The following PDHB variants were observed in gnomAD, a reference collection of about 807,000 sequenced individuals.
The protein encoded by PDHB is pyruvate dehydrogenase E1 component subunit beta, mitochondrial.
In PDHB, 17 loss-of-function variants were observed where a neutral mutation model predicts 42.8. The ratio of observed to expected loss-of-function variants is 0.40; its 90% CI spans 0.27 to 0.60. The LOEUF (loss-of-function observed/expected upper bound fraction) is 0.60, where lower values mean the gene tolerates loss of function less well. PDHB is among the 20% of genes least tolerant of loss of function. PDHB has a pLI of 0.46. For synonymous variants in PDHB, 154 were observed against 148.7 expected, an observed-to-expected ratio of 1.04 and a Z score of -0.26; for missense variants, 322 against 451.3, an observed-to-expected ratio of 0.71 and a Z score of 2.60.
chr3:58,432,281 A>AG (rs2062927159), intron 2 of PDHB: 1 of 416,972 alleles, frequency 2.4e-6, no homozygotes, highest in Admixed American at 3.7e-5. Context: ...TAAAAAAAGG[A>AG]AGGAGAGGAG....
rs2062904252 is a variant in PDHB, at chr3:58,429,761, C to T, written c.739G>A (p.Gly247Ser). 1 of 1,612,620 alleles carries T rather than the reference C, an allele frequency of 6.2e-7. No homozygotes were observed. Among genetic ancestry groups the T allele is most frequent in the African/African-American group, 1.3e-5 (1 of 74,992 alleles). The change falls in exon 8 of 10, where the codon GGC becomes AGC. Residue 247 changes from glycine to serine, a missense_variant. This residue lies in a region of PDHB where 208 missense variants were observed against 285.0 expected (regional missense o/e 0.73). Transcript: ENST00000302746. Reference protein sequence around the residue: ...ITVVSHSRPVGHCLEAAAVLS... With the variant: ...ITVVSHSRPVSHCLEAAAVLS... The stretch of plus-strand genomic sequence containing the variant: ...ACTGCTGCAGCTTCTAAGCAGTGGC[C>T]CACAGGTCTTGAATGGGAAACCACA...
At position 58,429,783 on chromosome 3, in the gene PDHB, C is replaced by T; in HGVS notation, c.717G>A (p.Val239=). 1 of 1,607,472 alleles carries T rather than the reference C, an allele frequency of 6.2e-7. No homozygotes were observed. The highest frequency in any genetic ancestry group is 8.5e-7 in the Non-Finnish European group (1 of 1,173,966). Residue 239 remains valine (V), a synonymous_variant, in exon 8 of 10, where the codon GTG becomes GTA. Coordinates refer to ENST00000302746, the MANE Select transcript of PDHB (RefSeq NM_000925.4). ...KIERQGTHIT[V]VSHSRPVGHC... is the part of the protein sequence containing the mutation. ...GGCCCACAGGTCTTGAATGGGAAAC[C>T]ACAGTTATATGTGTTCCTGAAAACA... is the stretch of plus-strand genomic sequence containing the variant.
intron 2 of PDHB, 78 bp from the exon 3 acceptor site, chr3:58,432,062 A>G: frequency 1.1e-6 from 1 of 950,126 alleles, no homozygotes; most frequent in Non-Finnish European, 1.7e-6. Context: ...ATATTTACCT[A>G]GGCTGCCCAC....
rs1264085827 is a variant in PDHB at position 58,431,072 on chromosome 3, TCTCA to T, written c.304-134_304-131del. On this transcript the variant is annotated intron_variant, in intron 5 of 9. Coordinates refer to ENST00000302746, the MANE Select transcript of PDHB (RefSeq NM_000925.4). The surrounding 1 kb of genome is among the most constrained non-coding windows in gnomAD (Gnocchi z 4.4). ...TTATTTTTATTTTTTATGGACAGGG[TCTCA>T]CTGTCACCCATGCTGGAGTGCAGTG... 2 of 941,184 alleles carry T rather than the reference TCTCA, an allele frequency of 2.1e-6. No individual in the cohort carries two copies. Among genetic ancestry groups the T allele is most frequent in the Non-Finnish European group, 3.3e-6 (2 of 602,130 alleles). The allele number at this position is 941,184 out of a possible 1,614,324, so 58.3% of individuals were successfully genotyped here.
intron 8 of PDHB, among the ~76,000 whole-genome samples, chr3:58,429,482 AGAGAGC>A (rs1259363291): frequency 6.6e-6 from 1 of 152,040 alleles, no homozygotes; most frequent in Non-Finnish European, 1.5e-5. Context: ...GAAGAGGTTC[AGAGAGC>A]TCCCACTGTC....
At position 58,432,047 on chromosome 3, in the gene PDHB, C is replaced by T. The variant is rs571955200; in HGVS notation, c.97-63G>A. ...TTTGGGATTCAACTAAGATTTTCTT[C>T]CTTTATATTTACCTAGGCTGCCCAC... is the stretch of plus-strand genomic sequence containing the variant. On this transcript the variant is annotated intron_variant, in intron 2 of 9. Transcript: ENST00000302746. 10 of 1,146,216 alleles carry T rather than the reference C, an allele frequency of 8.7e-6. No individual in the cohort carries two copies. In the African/African-American group the frequency reaches 1.5e-4, roughly 17 times the overall value. 71.0% of individuals were successfully genotyped at this position (1,146,216 alleles called of 1,614,324 possible). A position where few individuals can be genotyped will look rare whatever the true frequency, so the allele number is the denominator to read the frequency against.
chr3:58,433,786 C>T lies in PDHB; in HGVS notation c.24G>A (p.Val8=), dbSNP rs776938446. The T allele has an allele frequency of 7.4e-6, 12 of 1,612,050 alleles. No individual in the cohort carries two copies. Among genetic ancestry groups the T allele is most frequent in the Non-Finnish European group, 6.8e-6 (8 of 1,179,566 alleles). Residue 8 remains valine (V), a synonymous_variant, in exon 1 of 10, where the codon GTG becomes GTA. Coordinates refer to ENST00000302746, the MANE Select transcript of PDHB (RefSeq NM_000925.4). MAAVSGL[V]RRPLREVSGL... ...TGCCTACCTCCCGAAGGGGTCTCCG[C>T]ACCAAGCCAGACACCGCCGCCATCT... is the stretch of plus-strand genomic sequence containing the variant.
chr3:58,429,264 C>T (rs2062900247), intron 8 of PDHB, among the ~76,000 whole-genome samples: 1 of 152,104 alleles, frequency 6.6e-6, no homozygotes, highest in Non-Finnish European at 1.5e-5. Context: ...GCTGATGAAA[C>T]AGATTTAGAG....
chr3:58,431,213 A>ATTT lies in PDHB; in HGVS notation c.304-274_304-272dup. The ATTT allele has an allele frequency of 2.4e-6, 1 of 424,452 alleles. No homozygotes were observed. The allele number at this position is 424,452 out of a possible 1,614,324, so 26.3% of individuals were successfully genotyped here. A position where few individuals can be genotyped will look rare whatever the true frequency, so the allele number is the denominator to read the frequency against. On this transcript the variant is annotated intron_variant, in intron 5 of 9. Coordinates refer to ENST00000302746, the MANE Select transcript of PDHB (RefSeq NM_000925.4). This position sits in a 1 kb window ranked among gnomAD's most constrained non-coding sequence, Gnocchi z 4.4. Reference sequence around the variant, plus strand: ...GCACCACCACATCTACCTACTTGGTATTTTTTTTTTTTCCCAAATGATGTT... The same window carrying ATTT: ...GCACCACCACATCTACCTACTTGGTATTTTTTTTTTTTTTTCCCAAATGATGTT...
chr3:58,431,576 TAA>T lies in PDHB; in HGVS notation c.303+15_303+16del, dbSNP rs756931309. On this transcript the variant is annotated intron_variant, in intron 5 of 9. Coordinates refer to ENST00000302746, the MANE Select transcript of PDHB (RefSeq NM_000925.4). The surrounding 1 kb of genome is among the most constrained non-coding windows in gnomAD (Gnocchi z 4.4). ...AAGAAATGTCTTTGGATAAGTTTCA[TAA>T]AGAGTATTACATACCATAGCTGCAC... The T allele has an allele frequency of 7.6e-6, 12 of 1,576,964 alleles. No homozygotes were observed. The highest frequency in any genetic ancestry group is 1.3e-5 in the African/African-American group (1 of 74,174).
Position 58,433,759 on chromosome 3 carries a change from G to T in PDHB, c.42+9C>A. The T allele has an allele frequency of 6.2e-7, 1 of 1,612,296 alleles. No homozygotes were observed. The highest frequency in any genetic ancestry group is 2.2e-5 in the East Asian group (1 of 44,834). On this transcript the variant is annotated intron_variant, in intron 1 of 9. Transcript: ENST00000302746. ...CGCGTGGGAATACAGGCCGCGCGCT[G>T]CTGCCTACCTCCCGAAGGGGTCTCC...
Position 58,431,964 on chromosome 3 carries a change from T to A in PDHB, c.117A>T (p.Ile39=), listed in dbSNP as rs775351153. ...CCAGCTCCTCATCCATACCCTGATTTATAGCATCACGAACTGTCACCTGTC... is the reference window on the plus strand; with the variant it reads ...CCAGCTCCTCATCCATACCCTGATTAATAGCATCACGAACTGTCACCTGTC... The part of the protein sequence containing the change: ...AALQVTVRDA[I]NQGMDEELER... Residue 39 remains isoleucine, a synonymous_variant, in exon 3 of 10, where the codon ATA becomes ATT. Coordinates refer to ENST00000302746, the MANE Select transcript of PDHB (RefSeq NM_000925.4). The surrounding 1 kb of genome is among the most constrained non-coding windows in gnomAD (Gnocchi z 4.4). 8 of 1,613,576 alleles carry A rather than the reference T, an allele frequency of 5.0e-6. No homozygotes were observed. Among genetic ancestry groups the A allele is most frequent in the Non-Finnish European group, 5.9e-6 (7 of 1,179,448 alleles).
intron 1 of PDHB, 31 bp downstream of exon 1, chr3:58,433,737 G>A (rs371049788): frequency 2.3e-5 from 37 of 1,612,302 alleles, no homozygotes; most frequent in African/African-American, 1.6e-4. Context: ...CAGGGGTCGC[G>A]TGGGAATACA....
chr3:58,433,831 C>A lies in PDHB; in HGVS notation c.-22G>T, dbSNP rs1335854861. On this transcript the variant is annotated 5_prime_UTR_variant, in exon 1 of 10. Transcript: ENST00000302746. The stretch of plus-strand genomic sequence containing the variant: ...CCATCTTGGTCGTGTCCTCTATCCG[C>A]TGCCAAACGACAACAGAGGGGCCGG... The A allele has an allele frequency of 6.2e-7, 1 of 1,606,932 alleles. No homozygotes were observed. Among genetic ancestry groups the A allele is most frequent in the Admixed American group, 1.7e-5 (1 of 59,384 alleles).
In PDHB at chr3:58,433,629, A is replaced by G. The variant is rs2107943571; in HGVS notation, c.96+2T>C. 6.2e-7 allele frequency: 1 copy of G among 1,609,946 alleles called. No homozygotes were observed. Among genetic ancestry groups the G allele is most frequent in the Non-Finnish European group, 8.5e-7 (1 of 1,178,860 alleles). On this transcript the variant is annotated splice_donor_variant, in intron 2 of 9. Transcript: ENST00000302746. LOFTEE classifies it high-confidence loss of function. ...CGTCCGACGAGCACCCGCGCCTGTTACCTGCAGCGCAGCCGGCGCGGTCCA... is the reference window on the plus strand; with the variant it reads ...CGTCCGACGAGCACCCGCGCCTGTTGCCTGCAGCGCAGCCGGCGCGGTCCA...
chr3:58,432,183 G>T, intron 2 of PDHB, 199 bp from the exon 3 acceptor site: 1 of 603,732 alleles, frequency 1.7e-6, no homozygotes. Context: ...AATGTACTGA[G>T]TGCTCACTAG....
In PDHB at chr3:58,431,521, ACT is replaced by A; in HGVS notation, c.303+70_303+71del. 1 of 1,219,626 alleles carries A rather than the reference ACT, an allele frequency of 8.2e-7. No individual in the cohort carries two copies. Among genetic ancestry groups the A allele is most frequent in the East Asian group, 2.3e-5 (1 of 43,056 alleles). 75.6% of individuals were successfully genotyped at this position (1,219,626 alleles called of 1,614,324 possible). A position where few individuals can be genotyped will look rare whatever the true frequency, so the allele number is the denominator to read the frequency against. On this transcript the variant is annotated intron_variant, in intron 5 of 9. Coordinates refer to ENST00000302746, the MANE Select transcript of PDHB (RefSeq NM_000925.4). This position sits in a 1 kb window ranked among gnomAD's most constrained non-coding sequence, Gnocchi z 4.4. ...ACTCCAGGCTGGACAACAGAGTGAG[ACT>A]CTGTCTCAAAAGAAAAAAAAAGAAA...
chr3:58,430,283 G>C, intron 6 of PDHB, 45 bp from the exon 7 acceptor site: 1 of 1,264,408 alleles, frequency 7.9e-7, no homozygotes, highest in Non-Finnish European at 1.1e-6. Context: ...ATCACATCCA[G>C]AATGACTAAA....
chr3:58,433,454 G>A lies in PDHB; in HGVS notation c.96+177C>T. ...GCCAGCTGTGAGGTGGTGACTCGCCGGTGTGCTAATTGCCAGGCGGCGACA... is the reference window on the plus strand; with the variant it reads ...GCCAGCTGTGAGGTGGTGACTCGCCAGTGTGCTAATTGCCAGGCGGCGACA... On this transcript the variant is annotated intron_variant, in intron 2 of 9. Transcript: ENST00000302746. The A allele has an allele frequency of 5.9e-6, 4 of 672,872 alleles. No individual in the cohort carries two copies. In the South Asian group the frequency reaches 6.9e-5, roughly 12 times the overall value. 41.7% of individuals were successfully genotyped at this position (672,872 alleles called of 1,614,324 possible).
Sources: gnomAD v4.1 joint callset for allele counts (sites outside exome capture counted in the v4.1 genomes callset) on GRCh38, gnomAD v4.1.1 for gene constraint, gnomAD v4.1.1 regional missense constraint, Gnocchi (gnomAD v3.1) non-coding constraint, MANE v1.5 for transcripts, NCBI Gene and HGNC (gene_info 2026-07-23, HGNC 2026-07-21) for gene names.